The following BMPR1B variants were observed in gnomAD, a reference collection of about 807,000 sequenced individuals.
The protein encoded by BMPR1B is bone morphogenetic protein receptor type 1B.
In BMPR1B, 12 loss-of-function variants were observed where a neutral mutation model predicts 59.1. That is an observed-to-expected ratio of 0.20 (90% CI 0.13 to 0.33). The LOEUF is 0.33. BMPR1B is among the 10% of genes least tolerant of loss of function. BMPR1B has a pLI of 1.00. For missense variants in BMPR1B, 550 were observed against 610.9 expected (o/e 0.90, Z 1.05); for synonymous variants, 237 against 207.3 (o/e 1.14, Z -1.23).
chr4:94,765,014 A>G (rs908421604), intron 1 of BMPR1B, among the ~76,000 whole-genome samples: 4 of 152,154 alleles, frequency 2.6e-5, no homozygotes, highest in Non-Finnish European at 4.4e-5. Flanking sequence ...GGGGACTATC[A>G]TTTACTGAAG....
At chr4:94,967,607 T>A (rs578170943) in intron 2 of BMPR1B, among the ~76,000 whole-genome samples, 1 of 151,928 alleles carries the variant, frequency 6.6e-6, no homozygotes, top group South Asian at 2.1e-4. Flanking sequence ...CTCAGCCTCC[T>A]GAGTAGCTGG....
At chr4:95,106,522 C>T (rs1434547) in intron 4 of BMPR1B, among the ~76,000 whole-genome samples, 134,276 of 151,968 alleles carry the variant, frequency 0.88, 59,706 homozygotes, top group Admixed American at 0.95. Context: ...GGATTAGATA[C>T]CATCTAGGAG....
intron 3 of BMPR1B, among the ~76,000 whole-genome samples, chr4:94,998,765 A>G (rs1297462574): frequency 1.3e-5 from 2 of 152,106 alleles, no homozygotes; most frequent in African/African-American, 4.8e-5. Flanking sequence ...TCTACTGCTT[A>G]TAGATAAAGA....
intron 2 of BMPR1B, among the ~76,000 whole-genome samples, chr4:94,995,176 G>A (rs1022656651): frequency 6.6e-6 from 1 of 152,120 alleles, no homozygotes; most frequent in Non-Finnish European, 1.5e-5. Context: ...ACCATGTACT[G>A]TAGTGTCATG....
chr4:94,759,596 A>G (rs934757393), intron 1 of BMPR1B, among the ~76,000 whole-genome samples: 3 of 152,256 alleles, frequency 2.0e-5, no homozygotes, highest in African/African-American at 7.2e-5. Flanking sequence ...TTAGTATTTA[A>G]GAAAATATTC....
intron 1 of BMPR1B, among the ~76,000 whole-genome samples, chr4:94,781,163 G>T (rs1301252142): frequency 1.3e-5 from 2 of 152,096 alleles, no homozygotes; most frequent in Non-Finnish European, 2.9e-5. Context: ...TCCATTTCAA[G>T]AAATTGAGTT....
chr4:94,777,170 T>A (rs899262726), intron 1 of BMPR1B, among the ~76,000 whole-genome samples: 3 of 152,128 alleles, frequency 2.0e-5, no homozygotes, highest in Admixed American at 6.6e-5. Flanking sequence ...TTTCCAGTCA[T>A]CATTCTAATT....
chr4:94,853,769 A>C (rs1277715103), intron 1 of BMPR1B, among the ~76,000 whole-genome samples: 1 of 152,176 alleles, frequency 6.6e-6, no homozygotes, highest in African/African-American at 2.4e-5. Context: ...AAATCACTGC[A>C]AAAGCACTAA....
At chr4:94,856,069 T>G (rs944103331) in intron 1 of BMPR1B, among the ~76,000 whole-genome samples, 8 of 152,138 alleles carry the variant, frequency 5.3e-5, no homozygotes, top group African/African-American at 1.9e-4. Context: ...TTGCTAGAAA[T>G]TTTGATGCAT....
At chr4:95,066,978 T>C (rs571166233) in intron 3 of BMPR1B, among the ~76,000 whole-genome samples, 3 of 152,332 alleles carry the variant, frequency 2.0e-5, no homozygotes, top group East Asian at 1.9e-4. Context: ...GTCTTATTTT[T>C]CTAGTAGAGG....
At chr4:95,076,962 A>T (rs1250018205) in intron 3 of BMPR1B, among the ~76,000 whole-genome samples, 2 of 152,150 alleles carry the variant, frequency 1.3e-5, no homozygotes, top group African/African-American at 4.8e-5. Context: ...TAGAACTGTT[A>T]GAGATTTTTA....
intron 2 of BMPR1B, among the ~76,000 whole-genome samples, chr4:94,900,801 C>T (rs931016508): frequency 5.9e-5 from 9 of 151,880 alleles, no homozygotes; most frequent in Non-Finnish European, 1.0e-4. Context: ...AAAGGGTATA[C>T]TTCTAGATGT....
chr4:94,882,794 T>C (rs980142877), intron 2 of BMPR1B, among the ~76,000 whole-genome samples: 2 of 152,172 alleles, frequency 1.3e-5, no homozygotes, highest in Non-Finnish European at 2.9e-5. Flanking sequence ...AAAGATTGTT[T>C]ATCAGTTTTC....
At chr4:95,026,659 T>C (rs1240168992) in intron 3 of BMPR1B, among the ~76,000 whole-genome samples, 1 of 151,812 alleles carries the variant, frequency 6.6e-6, no homozygotes, top group Non-Finnish European at 1.5e-5. Flanking sequence ...GTCTGTACTT[T>C]TAAAGAAATG....
At position 95,081,992 on chromosome 4, in the gene BMPR1B, T is replaced by C. The variant is rs1046525353; in HGVS notation, c.-17-22416T>C. Among the ~76,000 whole-genome samples the C allele has an allele frequency of 2.0e-5, 3 of 151,548 alleles. No homozygotes were observed. The South Asian group carries it at 6.2e-4, about 31-fold the overall frequency. On this transcript the variant is annotated intron_variant, in intron 3 of 12. Transcript: ENST00000515059. ...TTTAAAAATGAATTATACTTTTTTA[T>C]TATTATTATACTTTAAGTTTAGGGT...
intron 3 of BMPR1B, among the ~76,000 whole-genome samples, chr4:95,080,515 C>T (rs923650263): frequency 1.3e-5 from 2 of 152,124 alleles, no homozygotes; most frequent in Non-Finnish European, 2.9e-5. Flanking sequence ...GGATTACAGG[C>T]GTGAGCCACC....
intron 3 of BMPR1B, among the ~76,000 whole-genome samples, chr4:95,080,305 C>T (rs887232717): frequency 3.3e-5 from 5 of 151,940 alleles, no homozygotes; most frequent in South Asian, 2.1e-4. Flanking sequence ...GGTACGATCT[C>T]GGCTCACTGC....
At chr4:94,825,838 AAAC>A (rs1406965416) in intron 1 of BMPR1B, among the ~76,000 whole-genome samples, 2 of 152,336 alleles carry the variant, frequency 1.3e-5, no homozygotes. Flanking sequence ...AAGAAAATAA[AAAC>A]AAATTTTATA....
At chr4:94,970,345 A>C (rs1273883853) in intron 2 of BMPR1B, among the ~76,000 whole-genome samples, 1 of 111,356 alleles carries the variant, frequency 9.0e-6, no homozygotes. Flanking sequence ...TCGGAGTTTC[A>C]CTCTCTGTCA....
Sources: gnomAD v4.1 joint callset for allele counts (sites outside exome capture counted in the v4.1 genomes callset) on GRCh38, gnomAD v4.1.1 for gene constraint, MANE v1.5 for transcripts, NCBI Gene and HGNC (gene_info 2026-07-23, HGNC 2026-07-21) for gene names.